Variants in KIAA1217 observed in about 807,000 individuals in gnomAD.
The protein encoded by KIAA1217 is KIAA1217, also known as sickle tail protein homolog.
A neutral mutation model predicts 163.9 loss-of-function variants in KIAA1217; 88 were observed. The ratio of observed to expected loss-of-function variants is 0.54; its 90% CI spans 0.45 to 0.64. The LOEUF is 0.64. Ranked by LOEUF, KIAA1217 falls within the 30% of genes least tolerant of loss-of-function variation. The pLI is 0.00. For synonymous variants in KIAA1217, 903 were observed against 923.1 expected (o/e 0.98, Z 0.39); for missense variants, 2,372 against 2,475.0 (o/e 0.96, Z 0.88).
intron 1 of KIAA1217, among the ~76,000 whole-genome samples, chr10:23,857,969 G>A (rs1265702229): frequency 6.6e-6 from 1 of 150,440 alleles, no homozygotes; most frequent in Non-Finnish European, 1.5e-5. Context: ...AAAAAAAAAA[G>A]AGGGGTGGGC....
chr10:24,019,225 G>A (rs1652385374), intron 2 of KIAA1217, among the ~76,000 whole-genome samples: 1 of 151,972 alleles, frequency 6.6e-6, no homozygotes, highest in Admixed American at 6.6e-5. Flanking sequence ...ATGATAAGTA[G>A]GTGAGCTGAT....
intron 1 of KIAA1217, among the ~76,000 whole-genome samples, chr10:23,711,021 G>A (rs1837218287): frequency 2.0e-5 from 3 of 152,176 alleles, no homozygotes; most frequent in Non-Finnish European, 4.4e-5. Context: ...TTCATCAAAA[G>A]TGAGACTATT....
intron 2 of KIAA1217, among the ~76,000 whole-genome samples, chr10:24,232,920 A>G (rs1037362248): frequency 7.6e-5 from 11 of 144,588 alleles, no homozygotes; most frequent in African/African-American, 2.6e-4. Context: ...GCAACATGGT[A>G]AAACCTTATC....
At chr10:23,960,137 G>A (rs1257554896) in intron 1 of KIAA1217, among the ~76,000 whole-genome samples, 3 of 151,020 alleles carry the variant, frequency 2.0e-5, no homozygotes, top group South Asian at 2.1e-4. Context: ...GGGTGGTCTC[G>A]ATCTCCTGAC....
chr10:24,339,917 T>C (rs973166884), intron 2 of KIAA1217, among the ~76,000 whole-genome samples: 2 of 152,234 alleles, frequency 1.3e-5, no homozygotes, highest in Non-Finnish European at 2.9e-5. Flanking sequence ...TCTCCTACTC[T>C]TCCTTGCTTG....
At chr10:23,876,403 G>A (rs148786742) in intron 1 of KIAA1217, among the ~76,000 whole-genome samples, 14 of 151,564 alleles carry the variant, frequency 9.2e-5, no homozygotes, top group African/African-American at 2.7e-4. Flanking sequence ...ATGGGTGATG[G>A]GATCAATTAT....
chr10:24,187,716 C>T (rs1487533111), intron 2 of KIAA1217, among the ~76,000 whole-genome samples: 1 of 151,654 alleles, frequency 6.6e-6, no homozygotes, highest in Non-Finnish European at 1.5e-5. Flanking sequence ...CATGGAGACA[C>T]CCCATCTCTA....
Position 24,543,665 on chromosome 10 carries a change from G to C in KIAA1217, c.4395G>C (p.Glu1465Asp). Reference sequence around the variant, plus strand: ...ATAAGAGACTTTCAACTATCTTTGAGGAATGTGATGAGGAATTAGAGAGAA... The same window carrying C: ...ATAAGAGACTTTCAACTATCTTTGACGAATGTGATGAGGAATTAGAGAGAA... ...SAYKRLSTIF[E>D]ECDEELERMM... The change falls in exon 19 of 21, where the codon GAG becomes GAC. Residue 1465 changes from glutamate (E) to aspartate (D), a missense_variant. Physicochemically the swap from Glu to Asp is conservative, Grantham distance 45. Transcript: ENST00000376454. 1 of 1,614,050 alleles carries C rather than the reference G, an allele frequency of 6.2e-7. No homozygotes were observed. Among genetic ancestry groups the C allele is most frequent in the Middle Eastern group, 1.6e-4 (1 of 6,062 alleles).
chr10:24,517,236 A>G (rs2070338668), intron 10 of KIAA1217, among the ~76,000 whole-genome samples: 1 of 152,056 alleles, frequency 6.6e-6, no homozygotes. Context: ...TGGTAGTGTA[A>G]ATTTTCCTTC....
intron 2 of KIAA1217, among the ~76,000 whole-genome samples, chr10:24,133,115 A>G (rs1452000712): frequency 6.6e-6 from 1 of 152,044 alleles, no homozygotes; most frequent in Non-Finnish European, 1.5e-5. Context: ...CTTTAAGTGG[A>G]GCCTAGATCC....
chr10:24,202,417 C>T (rs2067311418), intron 2 of KIAA1217, among the ~76,000 whole-genome samples: 1 of 152,110 alleles, frequency 6.6e-6, no homozygotes, highest in Admixed American at 6.5e-5. Flanking sequence ...TCCCTGGGCA[C>T]AGGCAATCCC....
chr10:24,241,570 G>A (rs772610858), intron 2 of KIAA1217, among the ~76,000 whole-genome samples: 3 of 152,120 alleles, frequency 2.0e-5, no homozygotes, highest in Admixed American at 6.5e-5. Flanking sequence ...TTTTCGGAGT[G>A]AGAACCCAAG....
At chr10:24,441,220 T>C (rs1020138597) in intron 5 of KIAA1217, among the ~76,000 whole-genome samples, 4 of 152,302 alleles carry the variant, frequency 2.6e-5, no homozygotes, top group Admixed American at 6.5e-5. Flanking sequence ...ACTGCAGTCC[T>C]GCCCCTGATG....
intron 1 of KIAA1217, among the ~76,000 whole-genome samples, chr10:23,718,798 G>C (rs887496669): frequency 6.9e-6 from 1 of 144,800 alleles, no homozygotes; most frequent in Non-Finnish European, 1.5e-5. Flanking sequence ...ATCTACAGAA[G>C]TGTATTTGGG....
At chr10:23,964,745 C>G (rs377098108) in intron 1 of KIAA1217, among the ~76,000 whole-genome samples, 1 of 151,972 alleles carries the variant, frequency 6.6e-6, no homozygotes, top group African/African-American at 2.4e-5. Flanking sequence ...TTAGTAGAGA[C>G]GGGGTTTCAC....
chr10:24,146,564 C>T (rs2064322382), intron 2 of KIAA1217, among the ~76,000 whole-genome samples: 1 of 152,102 alleles, frequency 6.6e-6, no homozygotes, highest in Non-Finnish European at 1.5e-5. Context: ...AACACGCCTG[C>T]AGTCCCAGCT....
chr10:23,755,609 A>G (rs1224862922), intron 1 of KIAA1217, among the ~76,000 whole-genome samples: 1 of 152,202 alleles, frequency 6.6e-6, no homozygotes, highest in East Asian at 1.9e-4. Context: ...GCAAAAACAA[A>G]CGAGGAATGA....
In KIAA1217 at chr10:24,543,997, A is replaced by G; in HGVS notation, c.4727A>G (p.Lys1576Arg). The G allele has an allele frequency of 2.5e-6, 4 of 1,614,128 alleles. 1 individual carries two copies. In the African/African-American group the frequency reaches 4.0e-5, roughly 16 times the overall value. The change falls in exon 19 of 21, where the codon AAA becomes AGA. Residue 1576 changes from lysine to arginine, a missense_variant. This residue lies in a region of KIAA1217 where 690 missense variants were observed against 677.5 expected (regional missense o/e 1.02). Transcript: ENST00000376454. The stretch of plus-strand genomic sequence containing the variant: ...AGCCCCAAGAAAAAGTTTAAATTCA[A>G]ATTCCCTAAGAAGCAACTCGCCGCT... ...FESPKKKFKF[K>R]FPKKQLAALT...
At chr10:24,307,005 CT>C (rs1487279809) in intron 2 of KIAA1217, among the ~76,000 whole-genome samples, 1 of 152,182 alleles carries the variant, frequency 6.6e-6, no homozygotes, top group Non-Finnish European at 1.5e-5. Flanking sequence ...TTCTATTGTT[CT>C]CCCAGTTTTT....
Sources: allele counts gnomAD v4.1 joint callset (sites outside exome capture counted in the v4.1 genomes callset), GRCh38; gene constraint gnomAD v4.1.1; regional missense constraint gnomAD v4.1.1; transcripts MANE v1.5; gene names NCBI Gene and HGNC (gene_info 2026-07-23, HGNC 2026-07-21).